The following SLC24A2 variants were observed in gnomAD, a reference collection of about 807,000 sequenced individuals.
SLC24A2 encodes sodium/potassium/calcium exchanger 2.
A neutral mutation model predicts 62.0 loss-of-function variants in SLC24A2; 36 were observed. The ratio of observed to expected loss-of-function variants is 0.58; its 90% CI spans 0.44 to 0.77. The LOEUF (loss-of-function observed/expected upper bound fraction) is 0.77. SLC24A2 is among the 30% of genes least tolerant of loss of function. The probability of loss-of-function intolerance (pLI) is 0.00; values close to 1 mark genes in which losing one functional copy is unlikely to be tolerated. For synonymous variants in SLC24A2, 358 were observed against 294.0 expected (o/e 1.22, Z -2.23); for missense variants, 846 against 817.9 (o/e 1.03, Z -0.42).
At chr9:19,650,854 T>A (rs891656401) in intron 2 of SLC24A2, among the ~76,000 whole-genome samples, 9 of 152,230 alleles carry the variant, frequency 5.9e-5, no homozygotes, top group Admixed American at 5.9e-4. Flanking sequence ...TGTGTGTTTG[T>A]GTGTGTATGC....
chr9:19,916,776 C>T, the SLC24A2 span, among the ~76,000 whole-genome samples: 277 of 151,748 alleles, frequency 1.8e-3, no homozygotes, highest in African/African-American at 6.0e-3. Flanking sequence ...GTTTTTCTGG[C>T]GTAAATGTTG....
the SLC24A2 span, among the ~76,000 whole-genome samples, chr9:19,892,747 C>T: frequency 5.3e-5 from 8 of 151,314 alleles, no homozygotes; most frequent in South Asian, 2.1e-4. Flanking sequence ...TTTGTATTTA[C>T]GCATGGAGGA....
At chr9:19,657,876 C>T (rs1000942561) in intron 2 of SLC24A2, among the ~76,000 whole-genome samples, 2 of 152,194 alleles carry the variant, frequency 1.3e-5, no homozygotes, top group East Asian at 1.9e-4. Context: ...TACAGGCCTG[C>T]ACCACCACAC....
At chr9:19,770,990 A>G (rs1310756745) in intron 2 of SLC24A2, among the ~76,000 whole-genome samples, 1 of 152,232 alleles carries the variant, frequency 6.6e-6, no homozygotes, top group Non-Finnish European at 1.5e-5. Flanking sequence ...CCACATTTGC[A>G]AGAAACTGGA....
At chr9:19,995,209 G>A in the SLC24A2 span, among the ~76,000 whole-genome samples, 9 of 151,388 alleles carry the variant, frequency 5.9e-5, no homozygotes, top group Non-Finnish European at 8.8e-5. Flanking sequence ...CTTCTTTCAC[G>A]CGTATCTTTT....
At chr9:20,225,162 G>GCTTGT in the SLC24A2 span, among the ~76,000 whole-genome samples, 1 of 152,006 alleles carries the variant, frequency 6.6e-6, no homozygotes, top group African/African-American at 2.4e-5. Flanking sequence ...AAGAAAGAAG[G>GCTTGT]GTACATATTT....
At chr9:19,628,786 A>T (rs927721250) in intron 2 of SLC24A2, among the ~76,000 whole-genome samples, 1 of 152,240 alleles carries the variant, frequency 6.6e-6, no homozygotes, top group African/African-American at 2.4e-5. Flanking sequence ...CTTAGGCCAC[A>T]CATAAAATAC....
the SLC24A2 span, among the ~76,000 whole-genome samples, chr9:20,073,639 T>C: frequency 2.6e-5 from 4 of 152,038 alleles, no homozygotes; most frequent in Non-Finnish European, 5.9e-5. Context: ...TTCAGAGATA[T>C]TAATATGTGT....
At chr9:20,031,103 T>C in the SLC24A2 span, among the ~76,000 whole-genome samples, 1 of 151,882 alleles carries the variant, frequency 6.6e-6, no homozygotes, top group African/African-American at 2.4e-5. Flanking sequence ...TAGATATATA[T>C]GTATACACAC....
intron 8 of SLC24A2, among the ~76,000 whole-genome samples, chr9:19,535,829 C>G (rs567704769): frequency 4.6e-5 from 7 of 152,132 alleles, no homozygotes; most frequent in African/African-American, 7.2e-5. Flanking sequence ...TATACAGGCT[C>G]TTTTTTGGTT....
the SLC24A2 span, among the ~76,000 whole-genome samples, chr9:20,033,056 A>C: frequency 3.2e-3 from 485 of 152,316 alleles, 1 homozygote; most frequent in African/African-American, 9.7e-3. Context: ...CGTCCCCTGA[A>C]GTTCATTCAC....
chr9:20,061,757 T>G, the SLC24A2 span, among the ~76,000 whole-genome samples: 1 of 152,198 alleles, frequency 6.6e-6, no homozygotes, highest in African/African-American at 2.4e-5. Flanking sequence ...AGGAGAAGAT[T>G]TGTACGGCCT....
At chr9:19,517,881 A>G (rs1289634443) in intron 10 of SLC24A2, among the ~76,000 whole-genome samples, 2 of 150,022 alleles carry the variant, frequency 1.3e-5, no homozygotes, top group East Asian at 2.0e-4. Flanking sequence ...CTTGTGAAGA[A>G]AGACCAAAAC....
intron 2 of SLC24A2, among the ~76,000 whole-genome samples, chr9:19,716,795 TG>T (rs1820873831): frequency 6.6e-6 from 1 of 152,212 alleles, no homozygotes; most frequent in East Asian, 1.9e-4. Flanking sequence ...GTTTGCCACA[TG>T]TTTTCTGCTT....
At chr9:20,265,908 G>A in the SLC24A2 span, among the ~76,000 whole-genome samples, 1 of 152,110 alleles carries the variant, frequency 6.6e-6, no homozygotes, top group Non-Finnish European at 1.5e-5. Flanking sequence ...ATCTTTTATG[G>A]TCGATCTGTA....
chr9:20,281,074 C>A, the SLC24A2 span, among the ~76,000 whole-genome samples: 1 of 152,116 alleles, frequency 6.6e-6, no homozygotes, highest in East Asian at 1.9e-4. Flanking sequence ...GGACTACAGG[C>A]ATGAGACACC....
chr9:19,782,477 T>C (rs1823045827), intron 2 of SLC24A2, among the ~76,000 whole-genome samples: 1 of 152,230 alleles, frequency 6.6e-6, no homozygotes, highest in African/African-American at 2.4e-5. Context: ...ATTTTGAAGT[T>C]TCCTTGGAGT....
intron 2 of SLC24A2, among the ~76,000 whole-genome samples, chr9:19,780,699 C>G (rs1213893731): frequency 1.3e-5 from 2 of 151,130 alleles, no homozygotes; most frequent in Admixed American, 1.3e-4. Context: ...CGGTGAAACC[C>G]CGTCTCTTCT....
chr9:19,572,335 T>C (rs1025676270), intron 7 of SLC24A2, among the ~76,000 whole-genome samples: 13 of 151,158 alleles, frequency 8.6e-5, no homozygotes, highest in African/African-American at 2.7e-4. Context: ...TGATAACATA[T>C]GTTGATATGG....
Sources: allele counts gnomAD v4.1 joint callset (sites outside exome capture counted in the v4.1 genomes callset), GRCh38; gene constraint gnomAD v4.1.1; transcripts MANE v1.5; gene names NCBI Gene and HGNC (gene_info 2026-07-23, HGNC 2026-07-21).